The following RAB2B variants were observed in gnomAD, a reference collection of about 807,000 sequenced individuals.
RAB2B encodes the protein RAB2B, member RAS oncogene family.
RAB2B carries 20 observed loss-of-function variants against 29.8 expected under a neutral mutation model. The observed-to-expected ratio is 0.67, with a 90% confidence interval of 0.47 to 0.97. RAB2B has a LOEUF of 0.97. Among genes scored for constraint, RAB2B ranks in the 50% least tolerant of loss-of-function variants. The probability of loss-of-function intolerance (pLI) is 0.00; values close to 1 mark genes in which losing one functional copy is unlikely to be tolerated. For synonymous variants in RAB2B, 93 were observed against 91.7 expected (o/e 1.01, Z -0.08); for missense variants, 218 against 272.0 (o/e 0.80, Z 1.40).
At chr14:21,461,532 CT>C (rs1368615922) in intron 7 of RAB2B, among the ~76,000 whole-genome samples, 1 of 152,062 alleles carries the variant, frequency 6.6e-6, no homozygotes, top group African/African-American at 2.4e-5. Context: ...AGATGACTAC[CT>C]GTGGTCTAAA....
chr14:21,461,260 G>C lies in RAB2B; in HGVS notation c.587C>G (p.Ser196Ter). The change falls in exon 8 of 8, where the codon TCA (serine) becomes TGA (stop). Residue 196 changes from serine to a stop codon, truncating the protein, a stop_gained. Coordinates refer to ENST00000397762, the MANE Select transcript of RAB2B (RefSeq NM_032846.4). LOFTEE classifies it high-confidence loss of function. ...KIGPQQSIST[S>*]VGPSASQRNS... ...CCGCTGGGAGGCACTGGGTCCCACT[G>C]ATGTTGAAATTGACTGTTGGGGCCC... is the stretch of plus-strand genomic sequence containing the variant. 1 of 1,613,876 alleles carries C rather than the reference G, an allele frequency of 6.2e-7. No individual in the cohort carries two copies. The highest frequency in any genetic ancestry group is 1.1e-5 in the South Asian group (1 of 91,038).
intron 4 of RAB2B, 57 bp from the exon 5 acceptor site, chr14:21,468,506 A>C: frequency 2.0e-6 from 3 of 1,498,364 alleles, no homozygotes; most frequent in Non-Finnish European, 2.8e-6. Flanking sequence ...GGCCAAAACA[A>C]CTCCAAGCGT....
intron 2 of RAB2B, 199 bp downstream of exon 2, chr14:21,476,329 T>G: frequency 1.7e-6 from 1 of 583,424 alleles, no homozygotes; most frequent in Non-Finnish European, 3.0e-6. Flanking sequence ...AAAAGTTACC[T>G]TTCAATTATA....
At position 21,464,759 on chromosome 14, in the gene RAB2B, T is replaced by C. The variant is rs1314611701; in HGVS notation, c.363-992A>G. 2.6e-5 allele frequency among the ~76,000 whole-genome samples: 4 copies of C among 152,138 alleles called. No homozygotes were observed. In the East Asian group the frequency reaches 7.7e-4, roughly 29 times the overall value. ...TGGCTCATGCCTATAATCCCAGCAC[T>C]GTGGGAGGCTGAGGCAGGAGGATTA... On this transcript the variant is annotated intron_variant, in intron 5 of 7. Transcript: ENST00000397762.
chr14:21,476,936 T>G lies in RAB2B; in HGVS notation c.-64A>C. On this transcript the variant is annotated 5_prime_UTR_variant, in exon 1 of 8. Coordinates refer to ENST00000397762, the MANE Select transcript of RAB2B (RefSeq NM_032846.4). ...TATAGCCACTTACCTCCGACCTCTC[T>G]AGCCACTCAATCTACCGATCTTCTT... 13 of 1,542,016 alleles carry G rather than the reference T, an allele frequency of 8.4e-6. No individual in the cohort carries two copies. The highest frequency in any genetic ancestry group is 1.1e-5 in the Non-Finnish European group (12 of 1,117,534).
intron 6 of RAB2B, among the ~76,000 whole-genome samples, chr14:21,463,248 C>CTT (rs36047568): frequency 0.17 from 23,781 of 138,414 alleles, 2,927 homozygotes; most frequent in African/African-American, 0.33. Context: ...GACATTCTTT[C>CTT]TTTTTTTTTT....
At chr14:21,463,307 C>T (rs932423005) in intron 6 of RAB2B, among the ~76,000 whole-genome samples, 19 of 142,090 alleles carry the variant, frequency 1.3e-4, no homozygotes, top group South Asian at 2.2e-4. Context: ...AGTGCAGTGG[C>T]GGGATCTCAG....
At chr14:21,468,053 G>C (rs903043470) in intron 5 of RAB2B, among the ~76,000 whole-genome samples, 2 of 152,102 alleles carry the variant, frequency 1.3e-5, no homozygotes, top group Admixed American at 1.3e-4. Flanking sequence ...AGGGATGAGG[G>C]GGATGGGGGA....
chr14:21,465,288 T>C (rs1239603315), intron 5 of RAB2B, among the ~76,000 whole-genome samples: 1 of 152,252 alleles, frequency 6.6e-6, no homozygotes, highest in Non-Finnish European at 1.5e-5. Context: ...GAATTCTTCA[T>C]TTCCACACTG....
rs75326587 is a variant in RAB2B at position 21,468,902 on chromosome 14, G to A, written c.187-150C>T. On this transcript the variant is annotated intron_variant, in intron 3 of 7. Coordinates refer to ENST00000397762, the MANE Select transcript of RAB2B (RefSeq NM_032846.4). ...AGAATTAGGGAAAGAAAACATGCCT[G>A]CCCGAGAAGAAACCCAAGTGGGAAA... The A allele has an allele frequency of 7.3e-4, 329 of 452,898 alleles. 4 individuals are homozygous for A. In the East Asian group the frequency reaches 0.011, roughly 16 times the overall value. 28.1% of individuals were successfully genotyped at this position (452,898 alleles called of 1,614,324 possible).
intron 5 of RAB2B, among the ~76,000 whole-genome samples, chr14:21,466,122 C>T (rs1042884310): frequency 2.0e-5 from 3 of 152,198 alleles, no homozygotes; most frequent in Admixed American, 6.5e-5. Context: ...AGCAGGGGGA[C>T]GACTTTTTTC....
chr14:21,472,527 G>A (rs952159741), intron 3 of RAB2B, among the ~76,000 whole-genome samples: 1 of 152,140 alleles, frequency 6.6e-6, no homozygotes, highest in East Asian at 1.9e-4. Flanking sequence ...CAGACTAGAT[G>A]GACACATTAT....
intron 3 of RAB2B, among the ~76,000 whole-genome samples, chr14:21,470,302 A>C (rs1037306950): frequency 3.3e-5 from 5 of 152,174 alleles, no homozygotes; most frequent in Middle Eastern, 3.2e-3. Flanking sequence ...CAAGTTTAAT[A>C]AACGGCCCCA....
At chr14:21,476,423 AG>A in intron 2 of RAB2B, 104 bp downstream of exon 2, 2 of 1,270,228 alleles carry the variant, frequency 1.6e-6, no homozygotes, top group Non-Finnish European at 2.3e-6. Context: ...TAAAGTAGTG[AG>A]GGGTAACTTT....
intron 3 of RAB2B, 169 bp downstream of exon 3, chr14:21,474,698 C>T (rs897283051): frequency 2.4e-5 from 14 of 586,276 alleles, no homozygotes; most frequent in Admixed American, 5.9e-5. Flanking sequence ...AAAGATACAG[C>T]ATCCAGAATT....
rs1890540346 is a variant in RAB2B at position 21,460,984 on chromosome 14, TAAG to T, written c.*209_*211del. 1 of 387,880 alleles carries T rather than the reference TAAG, an allele frequency of 2.6e-6. No homozygotes were observed. Among genetic ancestry groups the T allele is most frequent in the Non-Finnish European group, 4.6e-6 (1 of 216,446 alleles). The allele number at this position is 387,880 out of a possible 1,614,324, so 24.0% of individuals were successfully genotyped here. On this transcript the variant is annotated 3_prime_UTR_variant, in exon 8 of 8. Transcript: ENST00000397762. ...AATTTAAGAAATTTGTATAGGAGGA[TAAG>T]AAGAACCCTAATCTATAGGGAATGC...
At chr14:21,473,762 C>T (rs1018776399) in intron 3 of RAB2B, among the ~76,000 whole-genome samples, 2 of 152,148 alleles carry the variant, frequency 1.3e-5, no homozygotes, top group East Asian at 1.9e-4. Flanking sequence ...CCTGTAATCC[C>T]GGCACTTTGG....
chr14:21,468,647 C>T, intron 4 of RAB2B, 23 bp downstream of exon 4: 1 of 1,529,914 alleles, frequency 6.5e-7, no homozygotes, highest in Non-Finnish European at 8.8e-7. Flanking sequence ...GAATCTCCCT[C>T]CCATGCACCA....
intron 7 of RAB2B, 99 bp downstream of exon 7, chr14:21,462,251 T>A: frequency 1.1e-6 from 1 of 934,680 alleles, no homozygotes; most frequent in Non-Finnish European, 1.6e-6. Context: ...TTAAATTGTA[T>A]AATGATAGAT....
Sources: gnomAD v4.1 joint callset for allele counts (sites outside exome capture counted in the v4.1 genomes callset) on GRCh38, gnomAD v4.1.1 for gene constraint, MANE v1.5 for transcripts, NCBI Gene and HGNC (gene_info 2026-07-23, HGNC 2026-07-21) for gene names.